The following ACTR3C variants were observed in gnomAD, a reference collection of about 807,000 sequenced individuals.
ACTR3C encodes the protein actin-related protein 3C.
Under a neutral mutation model 26.3 loss-of-function variants are expected in ACTR3C, and 18 were observed. The ratio of observed to expected loss-of-function variants is 0.68; its 90% CI spans 0.47 to 1.01. ACTR3C has a LOEUF of 1.01. ACTR3C is among the 50% of genes least tolerant of loss of function. ACTR3C has a pLI of 0.00. For synonymous variants in ACTR3C, 55 were observed against 94.5 expected (o/e 0.58, Z 2.42); for missense variants, 184 against 250.7 (o/e 0.73, Z 1.80).
the ACTR3C span, chr7:150,001,262 G>A: frequency 6.6e-6 from 1 of 152,080 alleles, no homozygotes; most frequent in African/African-American, 2.4e-5. Context: ...ACTCAATTAG[G>A]ACTGGTGCTG....
chr7:149,958,413 A>C, the ACTR3C span, among the ~76,000 whole-genome samples: 1 of 152,186 alleles, frequency 6.6e-6, no homozygotes, highest in Non-Finnish European at 1.5e-5. Flanking sequence ...TTTCCATTTG[A>C]GCTGTTCTTG....
the ACTR3C span, among the ~76,000 whole-genome samples, chr7:150,180,366 A>G: frequency 6.6e-6 from 1 of 150,734 alleles, no homozygotes; most frequent in African/African-American, 2.5e-5. Flanking sequence ...TTTTACATAA[A>G]GTGCTAAATT....
At chr7:149,997,907 T>A in the ACTR3C span, among the ~76,000 whole-genome samples, 1 of 149,914 alleles carries the variant, frequency 6.7e-6, no homozygotes, top group Non-Finnish European at 1.5e-5. Context: ...TGAGTTTAGA[T>A]ATTTGTTTTA....
At chr7:150,067,832 C>A in the ACTR3C span, among the ~76,000 whole-genome samples, 1 of 148,128 alleles carries the variant, frequency 6.8e-6, no homozygotes, top group South Asian at 2.2e-4. Flanking sequence ...GGGGAGGGTG[C>A]GGACACATTT....
chr7:150,026,061 G>A, the ACTR3C span, among the ~76,000 whole-genome samples: 15 of 152,064 alleles, frequency 9.9e-5, no homozygotes, highest in African/African-American at 1.5e-4. Context: ...AGGTTATTCC[G>A]GGGATAAAGA....
the ACTR3C span, chr7:150,062,369 A>G: frequency 1.2e-5 from 1 of 80,538 alleles, no homozygotes; most frequent in Non-Finnish European, 2.3e-5. Context: ...CTCCTTCCAG[A>G]CAGACAGGCT....
At chr7:149,912,215 A>G in the ACTR3C span, among the ~76,000 whole-genome samples, 1 of 151,374 alleles carries the variant, frequency 6.6e-6, no homozygotes, top group Non-Finnish European at 1.5e-5. Context: ...TTCCATCCCA[A>G]AGTTTTGTAC....
At chr7:150,256,435 T>C (rs1361484132) in intron 6 of ACTR3C, among the ~76,000 whole-genome samples, 3 of 152,262 alleles carry the variant, frequency 2.0e-5, no homozygotes, top group African/African-American at 7.2e-5. Context: ...CCAATATCTG[T>C]TGTTTTTTGA....
chr7:150,109,078 G>T, the ACTR3C span, among the ~76,000 whole-genome samples: 1 of 152,034 alleles, frequency 6.6e-6, no homozygotes, highest in African/African-American at 2.4e-5. Flanking sequence ...ATGATGCAAA[G>T]TCGGGTGCGA....
At chr7:149,955,571 T>G in the ACTR3C span, among the ~76,000 whole-genome samples, 1 of 152,112 alleles carries the variant, frequency 6.6e-6, no homozygotes. Flanking sequence ...AGTCGTAAGG[T>G]GCATACGGTG....
At chr7:150,247,595 A>G (rs1207601688) in intron 7 of ACTR3C, 26 bp from the exon 8 acceptor site, 2 of 134,556 alleles carry the variant, frequency 1.5e-5, no homozygotes, top group Admixed American at 1.6e-4. Context: ...AAAACAGGAA[A>G]GGAAAGAAAG....
the ACTR3C span, among the ~76,000 whole-genome samples, chr7:150,070,987 G>T: frequency 6.9e-6 from 1 of 144,718 alleles, no homozygotes; most frequent in African/African-American, 2.6e-5. Flanking sequence ...GTAGAGACAG[G>T]GTTTCACCAT....
the ACTR3C span, among the ~76,000 whole-genome samples, chr7:150,041,794 G>T: frequency 7.1e-6 from 1 of 140,376 alleles, no homozygotes; most frequent in South Asian, 2.3e-4. Flanking sequence ...CCTCGCGGGG[G>T]GTGCCTCCCC....
At chr7:150,305,721 T>C (rs1795761687) in intron 1 of ACTR3C, among the ~76,000 whole-genome samples, 1 of 151,970 alleles carries the variant, frequency 6.6e-6, no homozygotes, top group South Asian at 2.1e-4. Flanking sequence ...TGGGGAAGAG[T>C]GGAGTTCCCA....
chr7:150,073,658 G>A, the ACTR3C span: 1 of 147,772 alleles, frequency 6.8e-6, no homozygotes. Flanking sequence ...GTGGAGACTG[G>A]AGTCCTGCAT....
chr7:149,921,205 T>A, the ACTR3C span, among the ~76,000 whole-genome samples: 1 of 152,176 alleles, frequency 6.6e-6, no homozygotes, highest in East Asian at 1.9e-4. Context: ...TAATGTTACA[T>A]CTGTTCCACA....
the ACTR3C span, among the ~76,000 whole-genome samples, chr7:149,918,135 C>T: frequency 0.93 from 141,447 of 151,828 alleles, 66,728 homozygotes; most frequent in East Asian, 1. Context: ...TATCTTTGCC[C>T]GTCCTTAAAT....
At chr7:150,251,129 C>T (rs571225321) in intron 6 of ACTR3C, among the ~76,000 whole-genome samples, 8 of 152,238 alleles carry the variant, frequency 5.3e-5, no homozygotes, top group Non-Finnish European at 1.0e-4. Flanking sequence ...AACAGTGACA[C>T]GTGTGACCTG....
the ACTR3C span, among the ~76,000 whole-genome samples, chr7:150,055,101 G>A: frequency 3.3e-5 from 5 of 152,352 alleles, no homozygotes; most frequent in South Asian, 6.2e-4. Flanking sequence ...GCAGCACCAA[G>A]TAGCATTTTT....
Sources: gnomAD v4.1 joint callset for allele counts (sites outside exome capture counted in the v4.1 genomes callset) on GRCh38, gnomAD v4.1.1 for gene constraint, MANE v1.5 for transcripts, NCBI Gene and HGNC (gene_info 2026-07-23, HGNC 2026-07-21) for gene names.